Variants in BMPER observed in about 807,000 individuals in gnomAD.
BMPER encodes BMP binding endothelial regulator.
BMPER carries 45 observed loss-of-function variants against 87.3 expected under a neutral mutation model. The ratio of observed to expected loss-of-function variants is 0.52; its 90% CI spans 0.41 to 0.66. The LOEUF is 0.66. Ranked by LOEUF, BMPER falls within the 30% of genes least tolerant of loss-of-function variation. BMPER has a pLI of 0.00. For synonymous variants in BMPER, 326 were observed against 316.2 expected (o/e 1.03, Z -0.33); for missense variants, 784 against 867.5 (o/e 0.90, Z 1.21).
At chr7:33,984,498 T>G (rs1785949511) in intron 6 of BMPER, among the ~76,000 whole-genome samples, 2 of 152,086 alleles carry the variant, frequency 1.3e-5, no homozygotes, top group Non-Finnish European at 2.9e-5. Context: ...TGGGCTTATC[T>G]CTCCATTGCA....
chr7:34,082,692 G>T (rs1026922158), intron 12 of BMPER, among the ~76,000 whole-genome samples: 1 of 152,196 alleles, frequency 6.6e-6, no homozygotes, highest in African/African-American at 2.4e-5. Context: ...TGCAAAGAAA[G>T]AACACAGTCA....
chr7:33,919,979 A>G (rs1342662121), intron 2 of BMPER, among the ~76,000 whole-genome samples: 1 of 152,096 alleles, frequency 6.6e-6, no homozygotes, highest in African/African-American at 2.4e-5. Context: ...CATTTGGATA[A>G]TGGTTTTAGT....
Position 34,032,429 on chromosome 7 carries a change from A to G in BMPER, c.577-13877A>G, listed in dbSNP as rs1055005061. Among the ~76,000 whole-genome samples, 8 of 152,160 alleles carry G rather than the reference A, an allele frequency of 5.3e-5. No individual in the cohort carries two copies. The South Asian group carries it at 1.4e-3, about 28-fold the overall frequency. On this transcript the variant is annotated intron_variant, in intron 6 of 14. Transcript: ENST00000649409. ...TGATTCATCACCCATTATCTGGAGTATGGTATAAGTTCCGCATGCATGGAT... is the reference window on the plus strand; with the variant it reads ...TGATTCATCACCCATTATCTGGAGTGTGGTATAAGTTCCGCATGCATGGAT...
intron 4 of BMPER, among the ~76,000 whole-genome samples, chr7:33,969,214 A>G (rs1396481799): frequency 1.3e-5 from 2 of 152,190 alleles, no homozygotes; most frequent in Non-Finnish European, 2.9e-5. Flanking sequence ...TGTGCCACCC[A>G]TCCCATCACA....
intron 11 of BMPER, among the ~76,000 whole-genome samples, chr7:34,075,800 C>T (rs972654744): frequency 2.0e-5 from 3 of 152,268 alleles, no homozygotes; most frequent in Admixed American, 1.3e-4. Flanking sequence ...CGAGCCTTTT[C>T]CTTTTGCAGC....
chr7:33,989,427 T>C (rs1424608041), intron 6 of BMPER, among the ~76,000 whole-genome samples: 2 of 152,176 alleles, frequency 1.3e-5, no homozygotes, highest in African/African-American at 4.8e-5. Context: ...TTGAGAAGTG[T>C]CTGTTCATGT....
chr7:34,062,744 C>T (rs1475954389), intron 11 of BMPER, among the ~76,000 whole-genome samples: 4 of 152,196 alleles, frequency 2.6e-5, no homozygotes, highest in East Asian at 3.9e-4. Context: ...ATTTGTACAG[C>T]GTGTCGCTGT....
At chr7:33,925,871 G>T (rs1287457923) in intron 2 of BMPER, among the ~76,000 whole-genome samples, 2 of 152,184 alleles carry the variant, frequency 1.3e-5, no homozygotes, top group Non-Finnish European at 2.9e-5. Context: ...TTGTATAACA[G>T]AACTTTTTAA....
At position 34,010,824 on chromosome 7, in the gene BMPER, A is replaced by G. The variant is rs540939978; in HGVS notation, c.577-35482A>G. On this transcript the variant is annotated intron_variant, in intron 6 of 14. Coordinates refer to ENST00000649409, the MANE Select transcript of BMPER (RefSeq NM_001365308.1). ...AGAAATAATTGTCATGTCCTTGTTA[A>G]ATTTCTTTTCTTTTTTAATGATTCC... is the stretch of plus-strand genomic sequence containing the variant. Among the ~76,000 whole-genome samples the G allele has an allele frequency of 2.6e-5, 4 of 151,924 alleles. No individual in the cohort carries two copies. In the East Asian group the frequency reaches 7.8e-4, roughly 30 times the overall value.
rs143303825 is a variant in BMPER, at chr7:34,013,817, T to C, written c.577-32489T>C. On this transcript the variant is annotated intron_variant, in intron 6 of 14. Transcript: ENST00000649409. ...TCATCAACCTTCCCCCTATGAGTTATAGCAGCCATCAGTGGTTATTGCCTA... is the reference window on the plus strand; with the variant it reads ...TCATCAACCTTCCCCCTATGAGTTACAGCAGCCATCAGTGGTTATTGCCTA... Among the ~76,000 whole-genome samples, 610 of 152,030 alleles carry C rather than the reference T, an allele frequency of 4.0e-3. 6 individuals carry two copies. Among genetic ancestry groups the C allele is most frequent in the Non-Finnish European group, 7.1e-3 (479 of 67,880 alleles).
At position 33,945,629 on chromosome 7, in the gene BMPER, T is replaced by C. The variant is rs1784876142; in HGVS notation, c.319+8241T>C. ...TGTGGCATCCATCTGTCTGTCCATG[T>C]AGTATTGAAGCACTGTGGATTGTGA... On this transcript the variant is annotated intron_variant, in intron 3 of 14. Coordinates refer to ENST00000649409, the MANE Select transcript of BMPER (RefSeq NM_001365308.1). Among the ~76,000 whole-genome samples the C allele has an allele frequency of 2.0e-5, 3 of 152,156 alleles. No individual in the cohort carries two copies. The South Asian group carries it at 6.2e-4, about 31-fold the overall frequency.
At chr7:34,018,650 A>G (rs1028466331) in intron 6 of BMPER, among the ~76,000 whole-genome samples, 4 of 151,988 alleles carry the variant, frequency 2.6e-5, no homozygotes, top group Admixed American at 2.0e-4. Context: ...TCCTTTTGAC[A>G]TAGGTCTGCC....
chr7:34,070,807 G>A (rs556332992), intron 11 of BMPER, among the ~76,000 whole-genome samples: 1 of 149,382 alleles, frequency 6.7e-6, no homozygotes, highest in African/African-American at 2.5e-5. Context: ...ACTAATTTGA[G>A]CGGCAGAGCT....
At chr7:34,022,632 C>T (rs1279916511) in intron 6 of BMPER, among the ~76,000 whole-genome samples, 1 of 148,452 alleles carries the variant, frequency 6.7e-6, no homozygotes, top group Non-Finnish European at 1.5e-5. Context: ...AAGAAAGGGC[C>T]TGCGAGGTTA....
At chr7:34,059,771 G>C (rs956222201) in intron 10 of BMPER, among the ~76,000 whole-genome samples, 1 of 151,294 alleles carries the variant, frequency 6.6e-6, no homozygotes, top group Non-Finnish European at 1.5e-5. Flanking sequence ...GAGATAGAGA[G>C]GAGGAGCTTG....
intron 13 of BMPER, among the ~76,000 whole-genome samples, chr7:34,103,436 G>A (rs1346895402): frequency 1.3e-5 from 2 of 152,106 alleles, no homozygotes; most frequent in East Asian, 1.9e-4. Context: ...CAGGGGGAGC[G>A]ATACATTACC....
At chr7:34,150,102 C>T (rs904642812) in intron 14 of BMPER, among the ~76,000 whole-genome samples, 16 of 152,240 alleles carry the variant, frequency 1.1e-4, no homozygotes, top group Middle Eastern at 3.4e-3. Context: ...CTCCTGCAGA[C>T]GACCTACAAC....
intron 14 of BMPER, among the ~76,000 whole-genome samples, chr7:34,145,582 G>C (rs2127995317): frequency 6.6e-6 from 1 of 152,280 alleles, no homozygotes; most frequent in Non-Finnish European, 1.5e-5. Context: ...CAGCCATCTT[G>C]AATACTCCTA....
chr7:34,085,471 G>A (rs1448170631), intron 12 of BMPER, among the ~76,000 whole-genome samples: 1 of 152,182 alleles, frequency 6.6e-6, no homozygotes, highest in Non-Finnish European at 1.5e-5. Context: ...AGAATAGGAT[G>A]TCAAGGGATA....
Sources: allele counts gnomAD v4.1 joint callset (sites outside exome capture counted in the v4.1 genomes callset), GRCh38; gene constraint gnomAD v4.1.1; transcripts MANE v1.5; gene names NCBI Gene and HGNC (gene_info 2026-07-23, HGNC 2026-07-21).